RARG: variants seen among roughly 807,000 people sequenced by gnomAD.
The protein encoded by RARG is RAR-gamma.
A neutral mutation model predicts 43.7 loss-of-function variants in RARG; 17 were observed. The ratio of observed to expected loss-of-function variants is 0.39; its 90% CI spans 0.27 to 0.58. RARG has a LOEUF of 0.58. Among genes scored for constraint, RARG ranks in the 20% least tolerant of loss-of-function variants. The pLI is 0.57. For missense variants in RARG, 346 were observed against 598.7 expected (o/e 0.58, Z 4.40); for synonymous variants, 238 against 236.4 (o/e 1.01, Z -0.06).
chr12:53,229,076 A>C (rs1365570963), intron 2 of RARG, among the ~76,000 whole-genome samples: 1 of 152,036 alleles, frequency 6.6e-6, no homozygotes, highest in African/African-American at 2.4e-5. Flanking sequence ...ACAAAGGAAA[A>C]GTTTGGCTTT....
Position 53,215,376 on chromosome 12 carries a change from T to A in RARG, c.392A>T (p.Asn131Ile). ...CCTGGTCACCTTGTTGATGATACAG[T>A]TTTTGTCGCGGTGACACGTGTACAC... ...NMVYTCHRDKNCIINKVTRNR... is the reference protein window; with the variant it reads ...NMVYTCHRDKICIINKVTRNR... Residue 131 changes from asparagine to isoleucine, a missense_variant, in exon 5 of 10, where the codon AAC becomes ATC. Physicochemically the swap from Asn to Ile is moderately radical, Grantham distance 149 (BLOSUM62 -3). Around this residue, in one of 8 missense-constraint regions of RARG, gnomAD observed 50 missense variants for 117.7 expected, o/e 0.42. Coordinates refer to ENST00000425354, the MANE Select transcript of RARG (RefSeq NM_000966.6). The surrounding 1 kb of genome is among the most constrained non-coding windows in gnomAD (Gnocchi z 6.4). 6.2e-7 allele frequency: 1 copy of A among 1,613,938 alleles called. No individual in the cohort carries two copies. The highest frequency in any genetic ancestry group is 8.5e-7 in the Non-Finnish European group (1 of 1,179,970).
intron 2 of RARG, among the ~76,000 whole-genome samples, chr12:53,229,287 C>G (rs565430198): frequency 6.6e-6 from 1 of 152,262 alleles, no homozygotes; most frequent in Admixed American, 6.5e-5. Context: ...GCCTTTCTTT[C>G]CATCAGTATT....
At chr12:53,220,235 C>A (rs1242867876) in intron 3 of RARG, 36 of 440,552 alleles carry the variant, frequency 8.2e-5, no homozygotes. Flanking sequence ...GGGCTGCATG[C>A]GGGTAAGGGG....
intron 3 of RARG, among the ~76,000 whole-genome samples, chr12:53,216,457 G>A (rs897406801): frequency 2.0e-5 from 3 of 152,174 alleles, no homozygotes; most frequent in African/African-American, 7.2e-5. Flanking sequence ...TCTCAGGGGA[G>A]TGAGTGAGAG....
rs1354930460 is a variant in RARG, at chr12:53,215,442, T to C, written c.334-8A>G. Reference sequence around the variant, plus strand: ...GCTTCGGCGAAAGAAGCCCTGGAGTTGAGGGAAAGAGAGAGGGCCTCTGAA... The same window carrying C: ...GCTTCGGCGAAAGAAGCCCTGGAGTCGAGGGAAAGAGAGAGGGCCTCTGAA... On this transcript the variant is annotated splice_polypyrimidine_tract_variant and splice_region_variant and intron_variant, in intron 4 of 9. Coordinates refer to ENST00000425354, the MANE Select transcript of RARG (RefSeq NM_000966.6). This position sits in a 1 kb window ranked among gnomAD's most constrained non-coding sequence, Gnocchi z 6.4. 1 of 1,613,996 alleles carries C rather than the reference T, an allele frequency of 6.2e-7. No homozygotes were observed. The highest frequency in any genetic ancestry group is 1.3e-5 in the African/African-American group (1 of 75,002).
At chr12:53,219,160 C>CCA (rs1263547785) in intron 3 of RARG, among the ~76,000 whole-genome samples, 1 of 152,182 alleles carries the variant, frequency 6.6e-6, no homozygotes, top group Admixed American at 6.5e-5. Flanking sequence ...CCACCCCCCA[C>CCA]CACACACACA....
In RARG at chr12:53,227,506, G is replaced by A; in HGVS notation, c.40C>T (p.Leu14=). The change falls in exon 3 of 10, where the codon CTG becomes TTG. Residue 14 remains leucine, a synonymous_variant. Transcript: ENST00000425354. The surrounding 1 kb of genome is among the most constrained non-coding windows in gnomAD (Gnocchi z 4.3). ...CCTGGGTAGCCAGATCCAGGCCCCAGGGCACCAGCCGCAAAGAGTCGCTCC... is the reference window on the plus strand; with the variant it reads ...CCTGGGTAGCCAGATCCAGGCCCCAAGGCACCAGCCGCAAAGAGTCGCTCC... ...NKERLFAAGA[L]GPGSGYPGAG... 6.2e-7 allele frequency: 1 copy of A among 1,603,492 alleles called. No homozygotes were observed. Among genetic ancestry groups the A allele is most frequent in the Non-Finnish European group, 8.5e-7 (1 of 1,175,608 alleles).
At chr12:53,220,522 C>T (rs1412892585) in intron 3 of RARG, 4 of 349,900 alleles carry the variant, frequency 1.1e-5, no homozygotes, top group Non-Finnish European at 2.1e-5. Context: ...GACACACATC[C>T]GTGCATGCAT....
At position 53,217,266 on chromosome 12, in the gene RARG, G is replaced by A. The variant is rs775173630; in HGVS notation, c.185-1472C>T. On this transcript the variant is annotated intron_variant, in intron 3 of 9. Transcript: ENST00000425354. ...GAGTCTATTCAAGACTAGGGATGGG[G>A]GCTCCAGGAGGGGCTGGTGCTGAGA... Among the ~76,000 whole-genome samples, 88 of 152,278 alleles carry A rather than the reference G, an allele frequency of 5.8e-4. 3 individuals carry two copies. The highest frequency in any genetic ancestry group is 2.5e-4 in the Non-Finnish European group (17 of 68,022).
chr12:53,217,712 T>C (rs1045690122), intron 3 of RARG, among the ~76,000 whole-genome samples: 1 of 152,190 alleles, frequency 6.6e-6, no homozygotes, highest in African/African-American at 2.4e-5. Context: ...ACCATTGGGA[T>C]GCAGCTCCTG....
At chr12:53,229,726 A>T (rs1943186610) in intron 2 of RARG, 1 of 157,964 alleles carries the variant, frequency 6.3e-6, no homozygotes, top group African/African-American at 2.4e-5. Context: ...AACCCCTCCA[A>T]TGACAAGGGT....
At chr12:53,226,526 T>A (rs1470759153) in intron 3 of RARG, among the ~76,000 whole-genome samples, 1 of 152,078 alleles carries the variant, frequency 6.6e-6, no homozygotes. Flanking sequence ...GGTTTCACTA[T>A]GTTGGTCAGG....
chr12:53,224,389 G>A (rs539863791), intron 3 of RARG, among the ~76,000 whole-genome samples: 1 of 152,284 alleles, frequency 6.6e-6, no homozygotes, highest in South Asian at 2.1e-4. Context: ...ACCTCTCTTA[G>A]TCTATGTGTG....
rs1942589494 is a variant in RARG, at chr12:53,211,594, C to T, written c.*82G>A. On this transcript the variant is annotated 3_prime_UTR_variant, in exon 10 of 10. Transcript: ENST00000425354. The surrounding 1 kb of genome is among the most constrained non-coding windows in gnomAD (Gnocchi z 4.6). ...TGGGGAGAGGGCAGAGCAGGTCCTCCCCCAGTCACTGGCGGTCTGGGAGAT... is the reference window on the plus strand; with the variant it reads ...TGGGGAGAGGGCAGAGCAGGTCCTCTCCCAGTCACTGGCGGTCTGGGAGAT... 1 of 1,243,850 alleles carries T rather than the reference C, an allele frequency of 8.0e-7. No individual in the cohort carries two copies. The highest frequency in any genetic ancestry group is 3.6e-5 in the Admixed American group (1 of 27,892). 77.1% of individuals were successfully genotyped at this position (1,243,850 alleles called of 1,614,324 possible). A position where few individuals can be genotyped will look rare whatever the true frequency, so the allele number is the denominator to read the frequency against.
intron 2 of RARG, among the ~76,000 whole-genome samples, chr12:53,228,318 G>A (rs571935062): frequency 4.6e-5 from 7 of 152,264 alleles, no homozygotes; most frequent in South Asian, 2.1e-4. Flanking sequence ...TTCTTCATGC[G>A]TCACTTGGGA....
Position 53,213,754 on chromosome 12 carries a change from G to C in RARG, c.814-54C>G. Reference sequence around the variant, plus strand: ...TGCTGTTTCTGGGGGATGGGGAAAAGAGGGAATGAGTGGAAAGTGAGGAGG... The same window carrying C: ...TGCTGTTTCTGGGGGATGGGGAAAACAGGGAATGAGTGGAAAGTGAGGAGG... On this transcript the variant is annotated intron_variant, in intron 7 of 9. Transcript: ENST00000425354. This position sits in a 1 kb window ranked among gnomAD's most constrained non-coding sequence, Gnocchi z 4.7. 5 of 1,509,948 alleles carry C rather than the reference G, an allele frequency of 3.3e-6. No individual in the cohort carries two copies. The highest frequency in any genetic ancestry group is 1.2e-5 in the South Asian group (1 of 85,048). 93.5% of individuals were successfully genotyped at this position (1,509,948 alleles called of 1,614,324 possible).
intron 2 of RARG, chr12:53,229,877 C>T (rs536824176): frequency 1.1e-6 from 1 of 888,204 alleles, no homozygotes; most frequent in African/African-American, 1.8e-5. Flanking sequence ...CAGTGGGGGT[C>T]CCCACAGAGG....
intron 3 of RARG, among the ~76,000 whole-genome samples, chr12:53,221,728 C>T (rs1455995149): frequency 6.6e-6 from 1 of 151,264 alleles, no homozygotes; most frequent in Non-Finnish European, 1.5e-5. Flanking sequence ...TCCCGGAAAT[C>T]CCCCCCTCCC....
chr12:53,227,401 G>A lies in RARG; in HGVS notation c.145C>T (p.Leu49=), dbSNP rs765464326. The A allele has an allele frequency of 1.4e-5, 22 of 1,599,954 alleles. No individual in the cohort carries two copies. The highest frequency in any genetic ancestry group is 1.9e-5 in the Non-Finnish European group (22 of 1,173,528). The change falls in exon 3 of 10, where the codon CTG becomes TTG. Residue 49 remains leucine, a synonymous_variant. Coordinates refer to ENST00000425354, the MANE Select transcript of RARG (RefSeq NM_000966.6). This position sits in a 1 kb window ranked among gnomAD's most constrained non-coding sequence, Gnocchi z 4.3. Reference sequence around the variant, plus strand: ...TCCTTGGGGAGGTCAGGCTGGCCCAGGCCCCGGAAGCTAGGGCTCAGCATC... The same window carrying A: ...TCCTTGGGGAGGTCAGGCTGGCCCAAGCCCCGGAAGCTAGGGCTCAGCATC... The part of the protein sequence containing the change: ...FEMLSPSFRG[L]GQPDLPKEMA...
Sources: gnomAD v4.1 joint callset for allele counts (sites outside exome capture counted in the v4.1 genomes callset) on GRCh38, gnomAD v4.1.1 for gene constraint, gnomAD v4.1.1 regional missense constraint, Gnocchi (gnomAD v3.1) non-coding constraint, MANE v1.5 for transcripts, NCBI Gene and HGNC (gene_info 2026-07-23, HGNC 2026-07-21) for gene names.